SAMD3: variants seen among roughly 807,000 people sequenced by gnomAD.
SAMD3 encodes sterile alpha motif domain-containing protein 3.
SAMD3 carries 63 observed loss-of-function variants against 58.5 expected under a neutral mutation model. That is an observed-to-expected ratio of 1.08 (90% CI 0.88 to 1.33). SAMD3 has a LOEUF of 1.33. Among genes scored for constraint, SAMD3 ranks in the 40% most tolerant of loss-of-function variants. The probability of loss-of-function intolerance (pLI) is 0.00; values close to 1 mark genes in which losing one functional copy is unlikely to be tolerated. For missense variants in SAMD3, 604 were observed against 608.4 expected (o/e 0.99, Z 0.08); for synonymous variants, 220 against 210.3 (o/e 1.05, Z -0.40).
intron 2 of SAMD3, among the ~76,000 whole-genome samples, chr6:130,260,411 T>G (rs1045549774): frequency 2.6e-5 from 4 of 152,234 alleles, no homozygotes; most frequent in African/African-American, 9.6e-5. Flanking sequence ...CCCTGTCACG[T>G]ACCTCTTGCT....
At chr6:130,189,032 CCAA>C (rs930913012) in intron 5 of SAMD3, among the ~76,000 whole-genome samples, 11 of 151,528 alleles carry the variant, frequency 7.3e-5, no homozygotes, top group Non-Finnish European at 1.5e-4. Context: ...TCTTAGATCT[CCAA>C]CAACAACTTG....
chr6:130,346,142 G>C (rs963719170), intron 1 of SAMD3, among the ~76,000 whole-genome samples: 5 of 152,376 alleles, frequency 3.3e-5, no homozygotes, highest in African/African-American at 1.2e-4. Context: ...CTCCCAGCGT[G>C]AGTGACGCAG....
intron 2 of SAMD3, among the ~76,000 whole-genome samples, chr6:130,257,315 C>T (rs569433752): frequency 2.5e-3 from 376 of 152,286 alleles, no homozygotes; most frequent in Non-Finnish European, 4.0e-3. Flanking sequence ...TTAAGTTACC[C>T]AGCCTTATAT....
Position 130,144,740 on chromosome 6 carries a change from G to A in SAMD3, c.1343C>T (p.Ser448Phe). 6.2e-7 allele frequency: 1 copy of A among 1,613,954 alleles called. No individual in the cohort carries two copies. ...NPFNMEVCEF[S>F]LYLERERLTK... ...GAGCCTCTCCCTTTCTAAATATAAAGAAAATTCGCAGACCTCCATGTTGAA... is the reference window on the plus strand; with the variant it reads ...GAGCCTCTCCCTTTCTAAATATAAAAAAAATTCGCAGACCTCCATGTTGAA... Residue 448 changes from serine to phenylalanine, a missense_variant, in exon 12 of 12, where the codon TCT (serine) becomes TTT (phenylalanine). Coordinates refer to ENST00000439090, the MANE Select transcript of SAMD3 (RefSeq NM_001017373.4).
chr6:130,163,792 A>G (rs765197987), intron 8 of SAMD3, among the ~76,000 whole-genome samples: 1 of 152,226 alleles, frequency 6.6e-6, no homozygotes, highest in African/African-American at 2.4e-5. Context: ...AAAGAAACTT[A>G]GTAAATATTC....
intron 2 of SAMD3, 35 bp from the exon 3 acceptor site, chr6:130,215,329 T>C: frequency 7.2e-7 from 1 of 1,395,550 alleles, no homozygotes; most frequent in Non-Finnish European, 9.6e-7. Context: ...TCTCCAGCTT[T>C]TCTTTCTGAT....
At chr6:130,206,014 G>A (rs776682733) in intron 5 of SAMD3, among the ~76,000 whole-genome samples, 1 of 152,196 alleles carries the variant, frequency 6.6e-6, no homozygotes, top group Non-Finnish European at 1.5e-5. Context: ...GTTGGATGGT[G>A]GGACCACCAT....
intron 8 of SAMD3, chr6:130,159,717 A>G (rs1238907618): frequency 6.6e-6 from 1 of 152,264 alleles, no homozygotes; most frequent in Non-Finnish European, 1.5e-5. Flanking sequence ...GCAAGGCACA[A>G]ACTGTGAGAA....
At chr6:130,152,877 C>T (rs1422309867) in intron 9 of SAMD3, among the ~76,000 whole-genome samples, 2 of 152,118 alleles carry the variant, frequency 1.3e-5, no homozygotes, top group African/African-American at 4.8e-5. Flanking sequence ...CTCTCTGCTC[C>T]TCACATAAGC....
intron 1 of SAMD3, among the ~76,000 whole-genome samples, chr6:130,354,472 A>T (rs371109571): frequency 2.0e-5 from 3 of 152,354 alleles, no homozygotes; most frequent in Admixed American, 6.5e-5. Context: ...GTACATATAC[A>T]CCATGGAATA....
At chr6:130,168,583 C>T (rs1262065648) in intron 8 of SAMD3, among the ~76,000 whole-genome samples, 1 of 152,126 alleles carries the variant, frequency 6.6e-6, no homozygotes, top group Non-Finnish European at 1.5e-5. Flanking sequence ...CTCTATTTAT[C>T]CCTTCCCAAG....
At chr6:130,336,722 C>T (rs1375476910) in intron 1 of SAMD3, among the ~76,000 whole-genome samples, 1 of 152,118 alleles carries the variant, frequency 6.6e-6, no homozygotes, top group Non-Finnish European at 1.5e-5. Flanking sequence ...AATTGCTTTG[C>T]TTTGAGGGTC....
At chr6:130,200,147 G>C (rs1794513353) in intron 5 of SAMD3, among the ~76,000 whole-genome samples, 1 of 151,826 alleles carries the variant, frequency 6.6e-6, no homozygotes, top group African/African-American at 2.4e-5. Flanking sequence ...AATTCCTCTT[G>C]GTATTAACAG....
At chr6:130,147,795 C>G (rs1788769744) in intron 9 of SAMD3, among the ~76,000 whole-genome samples, 1 of 152,178 alleles carries the variant, frequency 6.6e-6, no homozygotes, top group African/African-American at 2.4e-5. Context: ...TCTCTAGTCT[C>G]CAGTCTGAAA....
At chr6:130,150,386 TCCAGGAA>T (rs1562366949) in intron 9 of SAMD3, among the ~76,000 whole-genome samples, 1 of 152,142 alleles carries the variant, frequency 6.6e-6, no homozygotes, top group Non-Finnish European at 1.5e-5. Context: ...AATTCATGGG[TCCAGGAA>T]CCAAGAGTTG....
intron 3 of SAMD3, 66 bp from the exon 4 acceptor site, chr6:130,214,592 G>T: frequency 1.7e-6 from 2 of 1,168,190 alleles, no homozygotes; most frequent in Non-Finnish European, 2.3e-6. Flanking sequence ...TTCTGAAGAG[G>T]CAAAATTACC....
rs182853731 is a variant in SAMD3 at position 130,250,002 on chromosome 6, G to A, written c.-187-27189C>T. The stretch of plus-strand genomic sequence containing the variant: ...GCATCCAACCCTGATCAATCACAGA[G>A]TTTGATGCTAAACAACACGGTGCTC... On this transcript the variant is annotated intron_variant, in intron 2 of 13. Coordinates refer to the SAMD3 transcript ENST00000368134. Among the ~76,000 whole-genome samples, 910 of 152,210 alleles carry A rather than the reference G, an allele frequency of 6.0e-3. 11 individuals carry two copies. The highest frequency in any genetic ancestry group is 0.021 in the African/African-American group (865 of 41,538).
chr6:130,184,018 GT>G, intron 7 of SAMD3, 84 bp downstream of exon 7: 2 of 995,058 alleles, frequency 2.0e-6, no homozygotes, highest in Non-Finnish European at 3.2e-6. Context: ...GAAAAGATGG[GT>G]GAAGCATAAA....
intron 2 of SAMD3, among the ~76,000 whole-genome samples, chr6:130,251,524 G>A (rs1420105716): frequency 1.3e-5 from 2 of 151,920 alleles, no homozygotes; most frequent in African/African-American, 2.4e-5. Context: ...TTATATTTAG[G>A]TCTTTTATCT....
Sources: gnomAD v4.1 joint callset for allele counts (sites outside exome capture counted in the v4.1 genomes callset) on GRCh38, gnomAD v4.1.1 for gene constraint, MANE v1.5 for transcripts, NCBI Gene and HGNC (gene_info 2026-07-23, HGNC 2026-07-21) for gene names.